NOP9: variants seen among roughly 807,000 people sequenced by gnomAD.
NOP9 encodes the protein nucleolar protein 9.
NOP9 carries 50 observed loss-of-function variants against 63.0 expected under a neutral mutation model. The observed-to-expected ratio is 0.79, with a 90% confidence interval of 0.63 to 1.00. NOP9 has a LOEUF of 1.00. NOP9 is among the 50% of genes least tolerant of loss of function. The probability of loss-of-function intolerance (pLI) is 0.00; values close to 1 mark genes in which losing one functional copy is unlikely to be tolerated. For synonymous variants in NOP9, 343 were observed against 332.8 expected (o/e 1.03, Z -0.33); for missense variants, 758 against 803.0 (o/e 0.94, Z 0.68).
At position 24,307,425 on chromosome 14, in the gene NOP9, C is replaced by T; in HGVS notation, c.*2330C>T. 1.2e-6 allele frequency: 2 copies of T among 1,614,072 alleles called. No individual in the cohort carries two copies. The highest frequency in any genetic ancestry group is 1.7e-6 in the Non-Finnish European group (2 of 1,179,988). On this transcript the variant is annotated 3_prime_UTR_variant, in exon 10 of 10. Coordinates refer to ENST00000267425, the MANE Select transcript of NOP9 (RefSeq NM_174913.3). ...CTGTCAGGCCTTTCCGGATGGTCCG[C>T]TTGTGATCACAGACACGGAAAGGTC...
At chr14:24,273,749 T>C in the NOP9 span, among the ~76,000 whole-genome samples, 1 of 151,942 alleles carries the variant, frequency 6.6e-6, no homozygotes, top group African/African-American at 2.4e-5. Flanking sequence ...GTAAGCAGAG[T>C]GATTAAGAAC....
the NOP9 span, chr14:24,292,894 G>A: frequency 1.4e-6 from 2 of 1,415,126 alleles, no homozygotes; most frequent in Non-Finnish European, 1.9e-6. Context: ...CACTAGGAAG[G>A]CTACACAGGG....
chr14:24,298,829 T>C, upstream of NOP9: 1 of 1,144,968 alleles, frequency 8.7e-7, no homozygotes, highest in Non-Finnish European at 1.2e-6. Flanking sequence ...TAATTTCCAC[T>C]TTGAATAAAT....
the NOP9 span, chr14:24,291,317 G>T: frequency 1.5e-6 from 2 of 1,298,102 alleles, no homozygotes; most frequent in Non-Finnish European, 2.2e-6. Context: ...GAGCCCTGGA[G>T]CTCAGGATCC....
chr14:24,281,305 C>G, the NOP9 span, among the ~76,000 whole-genome samples: 181 of 152,322 alleles, frequency 1.2e-3, no homozygotes, highest in African/African-American at 3.8e-3. Flanking sequence ...GATACAGACA[C>G]TGCCATGGCT....
At chr14:24,278,923 C>G in the NOP9 span, among the ~76,000 whole-genome samples, 1 of 152,150 alleles carries the variant, frequency 6.6e-6, no homozygotes, top group African/African-American at 2.4e-5. Context: ...AGATACTGAA[C>G]TGGGAGAGAA....
At chr14:24,299,701 C>G (rs895972910), upstream of NOP9, 8 of 460,900 alleles carry the variant, frequency 1.7e-5, no homozygotes, top group Non-Finnish European at 2.3e-5. Context: ...TGTAGTAGGA[C>G]CCGGGGCGAT....
At chr14:24,285,861 C>T in the NOP9 span, among the ~76,000 whole-genome samples, 1 of 151,944 alleles carries the variant, frequency 6.6e-6, no homozygotes, top group Non-Finnish European at 1.5e-5. Context: ...TGGTGGCAGG[C>T]GCCTGTAATC....
At chr14:24,303,386 ATTTT>A (rs3052629) in intron 6 of NOP9, among the ~76,000 whole-genome samples, 172 bp downstream of exon 6, 4 of 140,188 alleles carry the variant, frequency 2.9e-5, no homozygotes, top group Non-Finnish European at 6.2e-5. Flanking sequence ...TACCCAGCTA[ATTTT>A]TTTTTTTTTT....
At chr14:24,275,110 C>T in the NOP9 span, among the ~76,000 whole-genome samples, 2 of 151,754 alleles carry the variant, frequency 1.3e-5, no homozygotes, top group African/African-American at 4.8e-5. Flanking sequence ...CAGGGTTTCT[C>T]CTTGTTGGTC....
the NOP9 span, among the ~76,000 whole-genome samples, chr14:24,275,980 T>C: frequency 6.6e-6 from 1 of 152,234 alleles, no homozygotes. Context: ...TCTAACACGG[T>C]TGACAGTAGC....
upstream of NOP9, chr14:24,298,977 G>A (rs540228614): frequency 2.5e-6 from 4 of 1,612,192 alleles, no homozygotes; most frequent in African/African-American, 4.0e-5. Flanking sequence ...ACAACGCGAA[G>A]GGTGTCCAGA....
the NOP9 span, chr14:24,293,865 A>T: frequency 6.6e-6 from 1 of 152,318 alleles, no homozygotes; most frequent in East Asian, 1.9e-4. Flanking sequence ...AAGACATAAT[A>T]GTTAAAAGAA....
At chr14:24,296,634 T>G (rs2041252419), upstream of NOP9, 1 of 1,610,694 alleles carries the variant, frequency 6.2e-7, no homozygotes. Context: ...GGTAGGGAGG[T>G]GTGAGGGGCT....
intron 2 of NOP9, among the ~76,000 whole-genome samples, chr14:24,301,225 A>C (rs2041371505): frequency 1.3e-5 from 2 of 152,098 alleles, no homozygotes; most frequent in South Asian, 4.1e-4. Flanking sequence ...TTTCCTTTTC[A>C]AAACTATTCT....
the NOP9 span, among the ~76,000 whole-genome samples, chr14:24,283,925 C>T: frequency 2.6e-5 from 4 of 152,274 alleles, no homozygotes; most frequent in Non-Finnish European, 5.9e-5. Flanking sequence ...TTCTGCTGCT[C>T]AACATGGGGC....
At chr14:24,276,151 C>A in the NOP9 span, among the ~76,000 whole-genome samples, 3 of 151,876 alleles carry the variant, frequency 2.0e-5, no homozygotes, top group Non-Finnish European at 4.4e-5. Flanking sequence ...CCGAGGCAGG[C>A]GGATCACTTG....
chr14:24,308,031 C>G lies in NOP9; in HGVS notation c.*2936C>G, dbSNP rs1286596827. ...CCTGGCCAGTAAGAAGGGCAAAGTC[C>G]AAGGGGAGGGATGAGGGAGGGGCCA... On this transcript the variant is annotated 3_prime_UTR_variant, in exon 10 of 10. Transcript: ENST00000267425. 6.2e-6 allele frequency: 4 copies of G among 647,430 alleles called. No individual in the cohort carries two copies. The Admixed American group carries it at 9.8e-5, about 16-fold the overall frequency. The allele number at this position is 647,430 out of a possible 1,614,324, so 40.1% of individuals were successfully genotyped here.
At chr14:24,296,828 C>T, upstream of NOP9, 1 of 1,614,272 alleles carries the variant, frequency 6.2e-7, no homozygotes, top group Non-Finnish European at 8.5e-7. Flanking sequence ...GCACTTCACT[C>T]TCCTGGCTTG....
Sources: gnomAD v4.1 joint callset for allele counts (sites outside exome capture counted in the v4.1 genomes callset) on GRCh38, gnomAD v4.1.1 for gene constraint, MANE v1.5 for transcripts, NCBI Gene and HGNC (gene_info 2026-07-23, HGNC 2026-07-21) for gene names.